Variants in SIPA1L1 observed in about 807,000 individuals in gnomAD.
The protein encoded by SIPA1L1 is signal induced proliferation associated 1 like 1.
In SIPA1L1, 26 loss-of-function variants were observed where a neutral mutation model predicts 162.7. The ratio of observed to expected loss-of-function variants is 0.16; its 90% confidence interval spans 0.12 to 0.22. SIPA1L1 has a LOEUF of 0.22. Ranked by LOEUF, SIPA1L1 falls within the 10% of genes least tolerant of loss-of-function variation. SIPA1L1 has a pLI of 1.00. For synonymous variants in SIPA1L1, 829 were observed against 837.4 expected (o/e 0.99, Z 0.17); for missense variants, 1,874 against 2,241.0 (o/e 0.84, Z 3.31).
chr14:71,533,875 A>C (rs2053660207), intron 4 of SIPA1L1, among the ~76,000 whole-genome samples: 1 of 152,130 alleles, frequency 6.6e-6, no homozygotes. Flanking sequence ...GGGTAGGTGA[A>C]TATTTTTTCC....
At chr14:71,484,458 A>G (rs2048595147) in intron 2 of SIPA1L1, among the ~76,000 whole-genome samples, 1 of 152,114 alleles carries the variant, frequency 6.6e-6, no homozygotes, top group Non-Finnish European at 1.5e-5. Flanking sequence ...TAGGTTCTTT[A>G]TATATATTAG....
intron 2 of SIPA1L1, among the ~76,000 whole-genome samples, chr14:71,502,805 CAT>C (rs1350400308): frequency 1.3e-5 from 2 of 152,124 alleles, no homozygotes; most frequent in South Asian, 4.1e-4. Flanking sequence ...TGTTCTGCCA[CAT>C]GTTAATGAAG....
rs948221565 is a variant in SIPA1L1 at position 71,678,448 on chromosome 14, G to A, written c.3104+5826G>A. ...GTTTATATGCTGGATTACATTTATT[G>A]ATTTGCATATGTTGAACCAGCCTTG... On this transcript the variant is annotated intron_variant, in intron 12 of 23. Transcript: ENST00000381232. Among the ~76,000 whole-genome samples, 4 of 152,152 alleles carry A rather than the reference G, an allele frequency of 2.6e-5. No individual in the cohort carries two copies. In the South Asian group the frequency reaches 6.2e-4, roughly 24 times the overall value.
intron 2 of SIPA1L1, chr14:71,448,758 G>C (rs1468112400): frequency 6.6e-6 from 1 of 152,174 alleles, no homozygotes; most frequent in African/African-American, 2.4e-5. Context: ...TTTAAACCCA[G>C]GAGTTATAAG....
chr14:71,670,985 T>C (rs970823753), intron 10 of SIPA1L1, 134 bp from the exon 11 acceptor site: 23 of 715,106 alleles, frequency 3.2e-5, no homozygotes, highest in Non-Finnish European at 5.5e-5. Context: ...CAGAAATGTG[T>C]GTTGTTTCTC....
At chr14:71,672,715 T>G (rs1257143218) in intron 12 of SIPA1L1, 93 bp downstream of exon 12, 5 of 1,351,916 alleles carry the variant, frequency 3.7e-6, no homozygotes, top group Non-Finnish European at 5.1e-6. Context: ...GAGTAGGGTG[T>G]TGTGAAGAAC....
intron 4 of SIPA1L1, among the ~76,000 whole-genome samples, chr14:71,552,639 G>T (rs1000393095): frequency 1.3e-5 from 2 of 151,760 alleles, no homozygotes; most frequent in African/African-American, 4.8e-5. Flanking sequence ...CTTGTGATCC[G>T]CCCGCCTCGG....
intron 4 of SIPA1L1, among the ~76,000 whole-genome samples, chr14:71,542,609 C>G (rs1292524986): frequency 8.1e-6 from 1 of 123,544 alleles, no homozygotes; most frequent in Non-Finnish European, 1.7e-5. Context: ...CCTCTTCCTC[C>G]CCCTCCCCCT....
At position 71,587,691 on chromosome 14, in the gene SIPA1L1, G is replaced by A; in HGVS notation, c.-182G>A. ...AAACTGTTGTGGATTATAACGTTTAGAAGTTCCAATTTTTCAGTGCTTTAC... is the reference window on the plus strand; with the variant it reads ...AAACTGTTGTGGATTATAACGTTTAAAAGTTCCAATTTTTCAGTGCTTTAC... On this transcript the variant is annotated 5_prime_UTR_variant, in exon 5 of 24. Coordinates refer to ENST00000381232, the MANE Select transcript of SIPA1L1 (RefSeq NM_001386936.1). The A allele has an allele frequency of 1.7e-6, 1 of 601,162 alleles. No homozygotes were observed. The highest frequency in any genetic ancestry group is 2.9e-6 in the Non-Finnish European group (1 of 349,356). The allele number at this position is 601,162 out of a possible 1,614,324, so 37.2% of individuals were successfully genotyped here.
intron 3 of SIPA1L1, among the ~76,000 whole-genome samples, chr14:71,514,228 A>G (rs1287412664): frequency 6.6e-6 from 1 of 152,160 alleles, no homozygotes; most frequent in Non-Finnish European, 1.5e-5. Flanking sequence ...ATATGTTAGC[A>G]TACTTCCAGG....
chr14:71,532,325 TG>T (rs1330418842), intron 4 of SIPA1L1, among the ~76,000 whole-genome samples: 2 of 152,232 alleles, frequency 1.3e-5, no homozygotes, highest in African/African-American at 4.8e-5. Flanking sequence ...TACTCTTTTT[TG>T]TTTGTTTCTT....
At chr14:71,591,875 CTT>C (rs1184392891) in intron 5 of SIPA1L1, among the ~76,000 whole-genome samples, 1 of 152,128 alleles carries the variant, frequency 6.6e-6, no homozygotes, top group African/African-American at 2.4e-5. Flanking sequence ...AATCCAACAG[CTT>C]TCTTTTTAAT....
At chr14:71,340,255 G>A (rs1400130794) in intron 2 of SIPA1L1, among the ~76,000 whole-genome samples, 2 of 149,146 alleles carry the variant, frequency 1.3e-5, no homozygotes, top group Non-Finnish European at 3.0e-5. Context: ...TTTTTTTTTC[G>A]TATCTTTAAC....
At chr14:71,374,694 G>GTT (rs35302982) in intron 2 of SIPA1L1, among the ~76,000 whole-genome samples, 2,851 of 139,120 alleles carry the variant, frequency 0.02, 82 homozygotes, top group African/African-American at 0.062. Flanking sequence ...CGTTTTGAAA[G>GTT]TTTTTTTTTT....
At chr14:71,607,869 CTT>C (rs547975509) in intron 5 of SIPA1L1, among the ~76,000 whole-genome samples, 1 of 152,292 alleles carries the variant, frequency 6.6e-6, no homozygotes, top group African/African-American at 2.4e-5. Context: ...TTTCTGTGCT[CTT>C]TGTTTGGCAT....
intron 4 of SIPA1L1, among the ~76,000 whole-genome samples, chr14:71,582,103 T>G (rs2034010832): frequency 6.6e-6 from 1 of 152,124 alleles, no homozygotes; most frequent in Non-Finnish European, 1.5e-5. Flanking sequence ...TCTCAGCACT[T>G]TGGTAGGATC....
chr14:71,696,557 C>G (rs959565505), intron 13 of SIPA1L1, among the ~76,000 whole-genome samples: 2 of 152,166 alleles, frequency 1.3e-5, no homozygotes, highest in South Asian at 2.1e-4. Flanking sequence ...GTGATCTAGC[C>G]CCACCATAGT....
At chr14:71,525,018 G>C (rs970684958) in intron 3 of SIPA1L1, among the ~76,000 whole-genome samples, 3 of 152,052 alleles carry the variant, frequency 2.0e-5, no homozygotes, top group Non-Finnish European at 4.4e-5. Context: ...CTGTCACCCA[G>C]GCTGGAGTGA....
intron 12 of SIPA1L1, among the ~76,000 whole-genome samples, chr14:71,682,514 G>A (rs1350055004): frequency 6.6e-6 from 1 of 152,136 alleles, no homozygotes; most frequent in African/African-American, 2.4e-5. Context: ...AACCTTCTGT[G>A]CTTATTCATT....
Sources: allele counts gnomAD v4.1 joint callset (sites outside exome capture counted in the v4.1 genomes callset), GRCh38; gene constraint gnomAD v4.1.1; transcripts MANE v1.5; gene names NCBI Gene and HGNC (gene_info 2026-07-23, HGNC 2026-07-21).